Variants in PSD3 observed in about 807,000 individuals in gnomAD.
The protein encoded by PSD3 is PH and SEC7 domain-containing protein 3.
PSD3 carries 49 observed loss-of-function variants against 105.5 expected under a neutral mutation model. The ratio of observed to expected loss-of-function variants is 0.46; its 90% CI spans 0.37 to 0.59. The LOEUF is 0.59. PSD3 is among the 20% of genes least tolerant of loss of function. The probability of loss-of-function intolerance (pLI) is 0.00; values close to 1 mark genes in which losing one functional copy is unlikely to be tolerated. For missense variants in PSD3, 1,561 were observed against 1,263.8 expected, an observed-to-expected ratio of 1.24 and a Z score of -3.57; for synonymous variants, 557 against 457.8, an observed-to-expected ratio of 1.22 and a Z score of -2.77.
At chr8:18,889,813 T>A (rs1168293363) in intron 2 of PSD3, among the ~76,000 whole-genome samples, 3 of 152,182 alleles carry the variant, frequency 2.0e-5, no homozygotes, top group African/African-American at 7.2e-5. Context: ...GAACAAAATT[T>A]TGGGAGGAAC....
At chr8:18,816,538 G>A (rs1216990470) in intron 4 of PSD3, among the ~76,000 whole-genome samples, 1 of 152,182 alleles carries the variant, frequency 6.6e-6, no homozygotes, top group African/African-American at 2.4e-5. Context: ...ATCTGTATAT[G>A]TGTTTACTAT....
At chr8:18,806,834 T>A (rs1051970627) in intron 4 of PSD3, among the ~76,000 whole-genome samples, 1 of 152,174 alleles carries the variant, frequency 6.6e-6, no homozygotes, top group Non-Finnish European at 1.5e-5. Flanking sequence ...GAAACGGAGA[T>A]AATAAATCCT....
At chr8:18,879,984 A>T (rs1228041467) in intron 2 of PSD3, among the ~76,000 whole-genome samples, 1 of 152,148 alleles carries the variant, frequency 6.6e-6, no homozygotes, top group African/African-American at 2.4e-5. Context: ...TCTGGGTAGA[A>T]ACAGCCTTAA....
intron 9 of PSD3, among the ~76,000 whole-genome samples, chr8:18,728,640 C>A (rs910557834): frequency 6.6e-6 from 1 of 152,084 alleles, no homozygotes; most frequent in Non-Finnish European, 1.5e-5. Flanking sequence ...TGGGCAAGGA[C>A]CAGACTTTCA....
chr8:18,830,328 C>T (rs1285989599), intron 4 of PSD3, among the ~76,000 whole-genome samples: 1 of 152,212 alleles, frequency 6.6e-6, no homozygotes, highest in Non-Finnish European at 1.5e-5. Context: ...CCTTTAGGTC[C>T]TACAAGTGCT....
In PSD3 at chr8:18,871,921, C is replaced by T. The variant is rs763789360; in HGVS notation, c.943G>A (p.Glu315Lys). The T allele has an allele frequency of 6.2e-7, 1 of 1,614,192 alleles. No individual in the cohort carries two copies. The highest frequency in any genetic ancestry group is 2.2e-5 in the East Asian group (1 of 44,882). Reference protein sequence around the residue: ...EILWTGGDKRETQHPIDFETS... With the variant: ...EILWTGGDKRKTQHPIDFETS... The stretch of plus-strand genomic sequence containing the variant: ...TCAAAATCTATAGGATGCTGGGTCT[C>T]TCTCTTGTCTCCTCCTGTCCACAGT... The change falls in exon 3 of 16, where the codon GAG (glutamate) becomes AAG (lysine). Residue 315 changes from glutamate (E) to lysine (K), a missense_variant. Physicochemically the swap from Glu to Lys is moderately conservative, Grantham distance 56. Transcript: ENST00000327040.
chr8:18,815,307 TTGTGGGGTTGGAGG>T (rs1812123227), intron 4 of PSD3, among the ~76,000 whole-genome samples: 1 of 152,110 alleles, frequency 6.6e-6, no homozygotes, highest in Non-Finnish European at 1.5e-5. Flanking sequence ...ATTCTTTTTT[TTGTGGGGTTGGAGG>T]TGTGGGGGAT....
At chr8:18,573,693 A>G (rs1802294168) in intron 13 of PSD3, among the ~76,000 whole-genome samples, 1 of 152,228 alleles carries the variant, frequency 6.6e-6, no homozygotes, top group Non-Finnish European at 1.5e-5. Context: ...CAGACACAAA[A>G]GACCACATCA....
In PSD3 at chr8:18,637,663, G is replaced by C. The variant is rs1326494248; in HGVS notation, c.2217-4857C>G. ...TTTCATTTTATGGTCGTGCCAGTTT[G>C]TTTATCTATTCATCTACCGAAAGAT... On this transcript the variant is annotated intron_variant, in intron 10 of 15. Transcript: ENST00000327040. Among the ~76,000 whole-genome samples, 4 of 152,074 alleles carry C rather than the reference G, an allele frequency of 2.6e-5. 1 individual carries two copies. The highest frequency in any genetic ancestry group is 2.6e-4 in the Admixed American group (4 of 15,266).
intron 2 of PSD3, among the ~76,000 whole-genome samples, chr8:18,922,330 G>T (rs1279446841): frequency 6.6e-6 from 1 of 152,106 alleles, no homozygotes; most frequent in Non-Finnish European, 1.5e-5. Flanking sequence ...CTTTCAAAAT[G>T]AATCATAAAT....
chr8:18,743,959 T>TCACCACCACCACCACCACCACCACCAC (rs111311023), intron 9 of PSD3, among the ~76,000 whole-genome samples: 5 of 138,868 alleles, frequency 3.6e-5, no homozygotes, highest in East Asian at 4.4e-4. Flanking sequence ...ACTCTGTCTC[T>TCACCACCACCACCACCACCACCACCAC]CACCACCACC....
chr8:18,727,871 T>G (rs1277593343), intron 9 of PSD3, among the ~76,000 whole-genome samples: 1 of 152,144 alleles, frequency 6.6e-6, no homozygotes, highest in East Asian at 1.9e-4. Context: ...GTTGGCCTCC[T>G]CATTGCCCTA....
chr8:18,595,452 GAC>G (rs1491238832), intron 12 of PSD3, among the ~76,000 whole-genome samples: 35 of 149,714 alleles, frequency 2.3e-4, no homozygotes, highest in Non-Finnish European at 3.1e-4. Context: ...GAGAGAGAGA[GAC>G]AGAGAGACAG....
At chr8:18,692,658 C>G (rs1050120932) in intron 9 of PSD3, among the ~76,000 whole-genome samples, 2 of 152,038 alleles carry the variant, frequency 1.3e-5, no homozygotes, top group Non-Finnish European at 2.9e-5. Context: ...GTAACAGAAC[C>G]TGATTGGAAT....
chr8:18,634,625 G>A (rs1469685426), intron 10 of PSD3, among the ~76,000 whole-genome samples: 1 of 151,974 alleles, frequency 6.6e-6, no homozygotes, highest in African/African-American at 2.4e-5. Flanking sequence ...GTCTCTCCCT[G>A]TCCTTTATGA....
At chr8:18,975,320 T>TAA (rs1563479172) in intron 1 of PSD3, among the ~76,000 whole-genome samples, 1 of 121,442 alleles carries the variant, frequency 8.2e-6, no homozygotes. Context: ...TGAAATTTTT[T>TAA]TTTTTTTTTT....
chr8:18,642,150 G>A (rs1342329943), intron 10 of PSD3, among the ~76,000 whole-genome samples: 1 of 152,152 alleles, frequency 6.6e-6, no homozygotes, highest in Non-Finnish European at 1.5e-5. Context: ...TATGTACAAT[G>A]ACTGTAGTAT....
chr8:19,071,798 C>A (rs1484516120), intron 1 of PSD3, among the ~76,000 whole-genome samples: 1 of 152,116 alleles, frequency 6.6e-6, no homozygotes, highest in Non-Finnish European at 1.5e-5. Flanking sequence ...CAGCCTCCGC[C>A]TCCCAGGTTC....
chr8:18,646,832 C>A (rs1808072334), intron 10 of PSD3, among the ~76,000 whole-genome samples: 1 of 151,824 alleles, frequency 6.6e-6, no homozygotes, highest in Non-Finnish European at 1.5e-5. Flanking sequence ...GATAAGGGAA[C>A]CAAATAATGA....
Sources: allele counts gnomAD v4.1 joint callset (sites outside exome capture counted in the v4.1 genomes callset), GRCh38; gene constraint gnomAD v4.1.1; transcripts MANE v1.5; gene names NCBI Gene and HGNC (gene_info 2026-07-23, HGNC 2026-07-21).